Variants in CAPRIN2 observed in about 807,000 individuals in gnomAD.
The protein encoded by CAPRIN2 is caprin-2.
CAPRIN2 carries 66 observed loss-of-function variants against 130.4 expected under a neutral mutation model. The observed-to-expected ratio is 0.51, with a 90% CI of 0.42 to 0.62. The LOEUF is 0.62. CAPRIN2 is among the 20% of genes least tolerant of loss of function. The pLI is 0.00. For missense variants in CAPRIN2, 1,185 were observed against 1,246.6 expected (o/e 0.95, Z 0.74); for synonymous variants, 471 against 444.1 (o/e 1.06, Z -0.76).
intron 11 of CAPRIN2, among the ~76,000 whole-genome samples, chr12:30,722,289 T>C (rs1190184959): frequency 6.6e-6 from 1 of 152,176 alleles, no homozygotes; most frequent in South Asian, 2.1e-4. Context: ...AAAATGGGTA[T>C]GAAGATTCAT....
At chr12:30,711,182 G>A (rs1591880109) in intron 16 of CAPRIN2, among the ~76,000 whole-genome samples, 1 of 152,096 alleles carries the variant, frequency 6.6e-6, no homozygotes, top group East Asian at 1.9e-4. Context: ...AAGTCACGGT[G>A]TCTTAATTTG....
In CAPRIN2 at chr12:30,710,305, T is replaced by C; in HGVS notation, c.2831A>G (p.Gln944Arg). 2 of 1,614,204 alleles carry C rather than the reference T, an allele frequency of 1.2e-6. No homozygotes were observed. The highest frequency in any genetic ancestry group is 1.7e-6 in the Non-Finnish European group (2 of 1,180,038). Residue 944 changes from glutamine to arginine, a missense_variant, in exon 17 of 17, where the codon CAG becomes CGG. This residue lies in a region of CAPRIN2 where 1,104 missense variants were observed against 1,104.3 expected (regional missense o/e 1.00). Coordinates refer to ENST00000298892, the Ensembl canonical transcript of CAPRIN2. The surrounding 1 kb of genome is among the most constrained non-coding windows in gnomAD (Gnocchi z 4.8). ...TGCTGAGAAGGCAACTCGCATCTGC[T>C]GAGGCAGAGGGTAGACGTGTACTGG...
intron 12 of CAPRIN2, 193 bp from the exon 14 acceptor site, chr12:30,719,418 CA>C: frequency 1.7e-6 from 1 of 598,700 alleles, no homozygotes. Context: ...TTGCTTTGCA[CA>C]GCTTGCTGAC....
At chr12:30,746,094 A>T (rs1285402229) in intron 2 of CAPRIN2, among the ~76,000 whole-genome samples, 1 of 151,864 alleles carries the variant, frequency 6.6e-6, no homozygotes, top group South Asian at 2.1e-4. Context: ...CCAAACTTTA[A>T]AGACCATGTA....
At chr12:30,716,399 A>G in intron 13 of CAPRIN2, 109 bp downstream of exon 15, 1 of 965,898 alleles carries the variant, frequency 1.0e-6, no homozygotes, top group Non-Finnish European at 1.6e-6. Context: ...AATAATGCTT[A>G]CTGGTCAGGA....
At chr12:30,735,273 A>G in intron 3 of CAPRIN2, 67 bp from the exon 5 acceptor site, 1 of 1,219,700 alleles carries the variant, frequency 8.2e-7, no homozygotes, top group Non-Finnish European at 1.2e-6. Flanking sequence ...ATACGTATCT[A>G]CAAAGTCTAA....
chr12:30,742,423 C>T (rs138728082), intron 2 of CAPRIN2, among the ~76,000 whole-genome samples: 736 of 151,692 alleles, frequency 4.9e-3, no homozygotes, highest in Middle Eastern at 0.02. Context: ...TAGATATGTA[C>T]CCTGAAAAAA....
At chr12:30,739,675 A>C (rs1314647420) in intron 3 of CAPRIN2, among the ~76,000 whole-genome samples, 1 of 151,548 alleles carries the variant, frequency 6.6e-6, no homozygotes, top group African/African-American at 2.4e-5. Flanking sequence ...AAATCGTGCC[A>C]CTGCACTCCA....
intron 7 of CAPRIN2, 100 bp downstream of exon 8, chr12:30,730,139 C>CAA (rs2062150001): frequency 7.4e-6 from 7 of 943,198 alleles, no homozygotes; most frequent in Non-Finnish European, 1.2e-5. Context: ...AACCAGGGTT[C>CAA]AAGCTCAGGC....
chr12:30,734,199 T>C (rs2063678093), intron 4 of CAPRIN2, among the ~76,000 whole-genome samples: 1 of 152,184 alleles, frequency 6.6e-6, no homozygotes, highest in South Asian at 2.1e-4. Context: ...ACTATCAGCA[T>C]GAGAATTAAA....
Position 30,742,158 on chromosome 12 carries a change from C to T in CAPRIN2, c.484-1052G>A, listed in dbSNP as rs148120853. 5.5e-4 allele frequency among the ~76,000 whole-genome samples: 84 copies of T among 152,124 alleles called. No homozygotes were observed. The East Asian group carries it at 0.014, about 24-fold the overall frequency. ...AGGAATACTCTAAAATTAGACTGTG[C>T]TACCAGTTCGATAACTCTACAAATT... On this transcript the variant is annotated intron_variant, in intron 2 of 16. Coordinates refer to ENST00000298892, the Ensembl canonical transcript of CAPRIN2.
chr12:30,732,172 G>T (rs933373854), intron 5 of CAPRIN2, among the ~76,000 whole-genome samples: 1 of 151,892 alleles, frequency 6.6e-6, no homozygotes, highest in African/African-American at 2.4e-5. Flanking sequence ...CCTACCACCT[G>T]ACCATTTGAT....
chr12:30,710,646 AT>A lies in CAPRIN2; in HGVS notation c.2666-177del, dbSNP rs2054035031. 1.1e-6 allele frequency: 1 copy of A among 938,500 alleles called. No homozygotes were observed. Among genetic ancestry groups the A allele is most frequent in the East Asian group, 2.6e-5 (1 of 37,884 alleles). The allele number at this position is 938,500 out of a possible 1,614,324, so 58.1% of individuals were successfully genotyped here. ...GATTTTTCTGGTAATAGGTTTTTAC[AT>A]ACTCTTCTAAAGCCAGAAAGGTCCA... On this transcript the variant is annotated intron_variant, in intron 16 of 16. Coordinates refer to ENST00000298892, the Ensembl canonical transcript of CAPRIN2. The surrounding 1 kb of genome is among the most constrained non-coding windows in gnomAD (Gnocchi z 4.8).
At chr12:30,745,476 A>C (rs535347570) in intron 2 of CAPRIN2, among the ~76,000 whole-genome samples, 3 of 152,288 alleles carry the variant, frequency 2.0e-5, no homozygotes, top group African/African-American at 7.2e-5. Flanking sequence ...CAGATCCCTT[A>C]AGAGTTACTA....
intron 2 of CAPRIN2, among the ~76,000 whole-genome samples, chr12:30,748,216 T>G (rs1368023093): frequency 6.6e-6 from 1 of 152,230 alleles, no homozygotes; most frequent in East Asian, 1.9e-4. Context: ...GGTAAAATCC[T>G]ATCTAACAGC....
At chr12:30,730,615 A>G (rs570238291) in intron 6 of CAPRIN2, among the ~76,000 whole-genome samples, 5 of 152,298 alleles carry the variant, frequency 3.3e-5, no homozygotes, top group Admixed American at 6.5e-5. Context: ...CTCATGTCCC[A>G]TGGGGTAAAA....
intron 2 of CAPRIN2, among the ~76,000 whole-genome samples, chr12:30,750,725 T>A (rs566240119): frequency 6.6e-6 from 1 of 152,216 alleles, no homozygotes; most frequent in Non-Finnish European, 1.5e-5. Flanking sequence ...GTTTAGAATA[T>A]ACCAGTGAAG....
intron 8 of CAPRIN2, among the ~76,000 whole-genome samples, chr12:30,726,652 C>T (rs1322376765): frequency 6.6e-6 from 1 of 152,020 alleles, no homozygotes; most frequent in Non-Finnish European, 1.5e-5. Flanking sequence ...CTGAATTAGA[C>T]CAATTTACAG....
chr12:30,711,566 C>G, exon 16 of CAPRIN2: 1 of 1,611,972 alleles, frequency 6.2e-7, no homozygotes, highest in Non-Finnish European at 8.5e-7. Context: ...TTACCCTTAC[C>G]TCTCGAATTT....
Sources: gnomAD v4.1 joint callset for allele counts (sites outside exome capture counted in the v4.1 genomes callset) on GRCh38, gnomAD v4.1.1 for gene constraint, gnomAD v4.1.1 regional missense constraint, Gnocchi (gnomAD v3.1) non-coding constraint, MANE v1.5 for transcripts, NCBI Gene and HGNC (gene_info 2026-07-23, HGNC 2026-07-21) for gene names.